ERN2: variants seen among roughly 807,000 people sequenced by gnomAD.
The protein encoded by ERN2 is serine/threonine-protein kinase/endoribonuclease IRE2.
A neutral mutation model predicts 107.9 loss-of-function variants in ERN2; 111 were observed. The ratio of observed to expected loss-of-function variants is 1.03; its 90% CI spans 0.88 to 1.20. ERN2 has a LOEUF of 1.20. Ranked by LOEUF, ERN2 falls within the 50% of genes most tolerant of loss-of-function variation. ERN2 has a pLI of 0.00. For missense variants in ERN2, 1,225 were observed against 1,197.9 expected, an observed-to-expected ratio of 1.02 and a Z score of -0.33; for synonymous variants, 524 against 501.7, an observed-to-expected ratio of 1.04 and a Z score of -0.59.
At chr16:23,700,819 C>A (rs1597149221) in intron 12 of ERN2, 115 bp from the exon 13 acceptor site, 3 of 1,470,654 alleles carry the variant, frequency 2.0e-6, no homozygotes, top group South Asian at 2.6e-5. Flanking sequence ...AGAGCAAGAT[C>A]GCAGGGGCCT....
intron 17 of ERN2, 139 bp from the exon 18 acceptor site, chr16:23,692,470 C>G: frequency 1.2e-6 from 1 of 830,842 alleles, no homozygotes. Context: ...GCAGCATCTC[C>G]TTGGCTCTAG....
chr16:23,696,903 G>A (rs1597145585), intron 13 of ERN2: 1 of 152,214 alleles, frequency 6.6e-6, no homozygotes, highest in African/African-American at 2.4e-5. Flanking sequence ...ATCAGCATTA[G>A]GGCTGGGCAC....
At position 23,701,058 on chromosome 16, in the gene ERN2, T is replaced by C. The variant is rs749329820; in HGVS notation, c.1260A>G (p.Lys420=). 2.5e-6 allele frequency: 4 copies of C among 1,613,942 alleles called. No individual in the cohort carries two copies. The Admixed American group carries it at 5.0e-5, about 20-fold the overall frequency. The change falls in exon 12 of 22, where the codon AAA becomes AAG. Residue 420 remains lysine (K), a synonymous_variant. Coordinates refer to ENST00000256797, the MANE Select transcript of ERN2 (RefSeq NM_033266.4). ...LWDSELHPEE[K]TPDSYLGLGP... is the part of the protein sequence containing the mutation. Reference sequence around the variant, plus strand: ...CCAGCCCCAAGTAAGAGTCTGGAGTTTTTTCTTCTGGATGCAGCTCGGAGT... The same window carrying C: ...CCAGCCCCAAGTAAGAGTCTGGAGTCTTTTCTTCTGGATGCAGCTCGGAGT...
Position 23,691,160 on chromosome 16 carries a change from A to G in ERN2, c.2537T>C (p.Val846Ala), listed in dbSNP as rs867988233. 1.2e-6 allele frequency: 2 copies of G among 1,613,882 alleles called. No homozygotes were observed. Among genetic ancestry groups the G allele is most frequent in the Non-Finnish European group, 1.7e-6 (2 of 1,179,972 alleles). Reference protein sequence around the residue: ...RKFRSYKGTSVRDLLRAVRNK... With the variant: ...RKFRSYKGTSARDLLRAVRNK... The stretch of plus-strand genomic sequence containing the variant: ...CCTCACAGCACGGAGCAGGTCTCGC[A>G]CTGATGTCCCCTTATAGGACCGGAA... Residue 846 changes from valine to alanine, a missense_variant, in exon 21 of 22, where the codon GTG becomes GCG. Transcript: ENST00000256797.
At chr16:23,709,815 A>C (rs1425238095) in intron 4 of ERN2, 1 of 204,810 alleles carries the variant, frequency 4.9e-6, no homozygotes, top group Non-Finnish European at 1.0e-5. Flanking sequence ...ATCTCACCAA[A>C]TTCTGAGTTG....
At chr16:23,705,493 G>A (rs1960268549) in intron 7 of ERN2, among the ~76,000 whole-genome samples, 2 of 152,046 alleles carry the variant, frequency 1.3e-5, no homozygotes, top group South Asian at 2.1e-4. Flanking sequence ...CAGTTGGGGC[G>A]AGTAGGTGAC....
rs559359600 is a variant in ERN2, at chr16:23,694,553, C to A, written c.2100+175G>T. ...CCTGGGTGGCAAAACAGTCCTGATA[C>A]TGCTGTAGAAGGAGGGACAAATTAT... On this transcript the variant is annotated intron_variant, in intron 17 of 21. Coordinates refer to ENST00000256797, the MANE Select transcript of ERN2 (RefSeq NM_033266.4). Among the ~76,000 whole-genome samples the A allele has an allele frequency of 1.7e-4, 26 of 152,306 alleles. No homozygotes were observed. The South Asian group carries it at 3.5e-3, about 21-fold the overall frequency.
At chr16:23,692,124 T>C in intron 18 of ERN2, 34 bp from the exon 19 acceptor site, 1 of 1,613,768 alleles carries the variant, frequency 6.2e-7, no homozygotes, top group Non-Finnish European at 8.5e-7. Context: ...AGAGTCTGCT[T>C]CAGGCCTGCC....
chr16:23,713,158 C>T lies in ERN2; in HGVS notation c.30G>A (p.Pro10=). The change falls in exon 1 of 22, where the codon CCG becomes CCA. Residue 10 remains proline (P), a synonymous_variant. Transcript: ENST00000256797. The stretch of plus-strand genomic sequence containing the variant: ...GGAGCTGGAGCCCCAGCCGGGGCCA[C>T]GGCCTCGACCCCCTGACCGCACTCG... MASAVRGSR[P]WPRLGLQLQF... is the part of the protein sequence containing the mutation. The T allele has an allele frequency of 6.4e-7, 1 of 1,573,366 alleles. No individual in the cohort carries two copies. The highest frequency in any genetic ancestry group is 8.6e-7 in the Non-Finnish European group (1 of 1,165,578).
rs777508205 is a variant in ERN2 at position 23,691,370 on chromosome 16, A to G, written c.2432T>C (p.Leu811Pro). 20 of 1,603,154 alleles carry G rather than the reference A, an allele frequency of 1.2e-5. No individual in the cohort carries two copies. The highest frequency in any genetic ancestry group is 1.7e-5 in the Non-Finnish European group (20 of 1,179,932). Residue 811 changes from leucine (L) to proline (P), a missense_variant, in exon 20 of 22, where the codon CTG becomes CCG. Coordinates refer to ENST00000256797, the MANE Select transcript of ERN2 (RefSeq NM_033266.4). Reference protein sequence around the residue: ...ESEQEPLVRALEAGGCAVVRD... With the variant: ...ESEQEPLVRAPEAGGCAVVRD... The stretch of plus-strand genomic sequence containing the variant: ...GACCACTGCGCAGCCTCCCGCCTCC[A>G]GTGCCCTCACCAGGGGCTCCTGCTC...
chr16:23,713,151 G>T lies in ERN2; in HGVS notation c.37C>A (p.Arg13=). The T allele has an allele frequency of 6.4e-7, 1 of 1,574,208 alleles. No individual in the cohort carries two copies. The highest frequency in any genetic ancestry group is 1.4e-5 in the African/African-American group (1 of 73,882). The change falls in exon 1 of 22, where the codon CGG becomes AGG. Residue 13 remains arginine, a synonymous_variant. Transcript: ENST00000256797. ...GCGAACTGGAGCTGGAGCCCCAGCC[G>T]GGGCCACGGCCTCGACCCCCTGACC... ...SAVRGSRPWP[R]LGLQLQFAAL... is the part of the protein sequence containing the mutation.
chr16:23,706,937 T>A, intron 5 of ERN2, 70 bp downstream of exon 5: 1 of 1,574,394 alleles, frequency 6.4e-7, no homozygotes, highest in Non-Finnish European at 8.7e-7. Flanking sequence ...TGTGCCTAAT[T>A]AGCCGTCACG....
At chr16:23,692,900 T>C (rs1480284092) in intron 17 of ERN2, among the ~76,000 whole-genome samples, 2 of 152,048 alleles carry the variant, frequency 1.3e-5, no homozygotes, top group African/African-American at 4.8e-5. Flanking sequence ...TTAAATTGTT[T>C]GTAGAGATGG....
chr16:23,694,685 C>T, intron 17 of ERN2, 43 bp downstream of exon 17: 1 of 1,518,774 alleles, frequency 6.6e-7, no homozygotes, highest in Non-Finnish European at 8.9e-7. Context: ...TTCCTGCAGC[C>T]TGGGGCAGCT....
intron 1 of ERN2, chr16:23,711,947 G>C (rs1218477363): frequency 3.0e-6 from 1 of 329,470 alleles, no homozygotes; most frequent in Non-Finnish European, 6.6e-6. Context: ...CCTTGGGAGG[G>C]GGGCTGGAGC....
intron 13 of ERN2, among the ~76,000 whole-genome samples, chr16:23,698,170 C>T (rs1959905671): frequency 6.6e-6 from 1 of 152,148 alleles, no homozygotes; most frequent in Non-Finnish European, 1.5e-5. Context: ...CAGGTATTTG[C>T]CAGGTATTGT....
intron 13 of ERN2, 97 bp downstream of exon 13, chr16:23,700,442 C>A: frequency 1.6e-6 from 2 of 1,246,134 alleles, no homozygotes; most frequent in Admixed American, 2.2e-5. Context: ...ACCTAACCAC[C>A]CCACTATAGT....
chr16:23,700,588 C>T lies in ERN2; in HGVS notation c.1476G>A (p.Lys492=). ...LHSGASRRSQ[K]RLQSPSKQAQ... is the part of the protein sequence containing the mutation. Reference sequence around the variant, plus strand: ...CTTGCTTTGAGGGACTCTGAAGCCTCTTCTGGCTCCTCCGGCTGGCCCCCG... The same window carrying T: ...CTTGCTTTGAGGGACTCTGAAGCCTTTTCTGGCTCCTCCGGCTGGCCCCCG... The change falls in exon 13 of 22, where the codon AAG becomes AAA. Residue 492 remains lysine, a synonymous_variant. Coordinates refer to ENST00000256797, the MANE Select transcript of ERN2 (RefSeq NM_033266.4). The T allele has an allele frequency of 1.2e-6, 2 of 1,614,166 alleles. No individual in the cohort carries two copies. Among genetic ancestry groups the T allele is most frequent in the Non-Finnish European group, 1.7e-6 (2 of 1,180,008 alleles).
chr16:23,691,605 T>TCC (rs1959600417), intron 19 of ERN2, among the ~76,000 whole-genome samples, 180 bp from the exon 20 acceptor site: 1 of 152,248 alleles, frequency 6.6e-6, no homozygotes, highest in Non-Finnish European at 1.5e-5. Context: ...GGTACTGCTG[T>TCC]CCCTATTCTA....
Sources: gnomAD v4.1 joint callset for allele counts (sites outside exome capture counted in the v4.1 genomes callset) on GRCh38, gnomAD v4.1.1 for gene constraint, MANE v1.5 for transcripts, NCBI Gene and HGNC (gene_info 2026-07-23, HGNC 2026-07-21) for gene names.